The following PRMT2 variants were observed in gnomAD, a reference collection of about 807,000 sequenced individuals.
PRMT2 encodes protein arginine N-methyltransferase 2.
A neutral mutation model predicts 57.6 loss-of-function variants in PRMT2; 26 were observed. The observed-to-expected ratio is 0.45, with a 90% CI of 0.33 to 0.63. The LOEUF is 0.63. Among genes scored for constraint, PRMT2 ranks in the 20% least tolerant of loss-of-function variants. PRMT2 has a pLI of 0.02. For synonymous variants in PRMT2, 219 were observed against 220.0 expected (o/e 1.00, Z 0.04); for missense variants, 472 against 564.4 (o/e 0.84, Z 1.66).
intron 5 of PRMT2, among the ~76,000 whole-genome samples, chr21:46,644,703 A>T (rs904839069): frequency 6.6e-6 from 1 of 152,192 alleles, no homozygotes; most frequent in African/African-American, 2.4e-5. Flanking sequence ...ATGGATCTTG[A>T]AATTTGAATT....
At chr21:46,640,007 C>CA (rs1397156008) in intron 3 of PRMT2, among the ~76,000 whole-genome samples, 2 of 152,152 alleles carry the variant, frequency 1.3e-5, no homozygotes, top group African/African-American at 4.8e-5. Context: ...TCCATATTAC[C>CA]TCCTTTAATA....
intron 7 of PRMT2, chr21:46,655,016 C>A: frequency 3.2e-6 from 2 of 619,442 alleles, no homozygotes; most frequent in Non-Finnish European, 2.0e-6. Context: ...GTTCATCTAA[C>A]ATGAAATAGA....
chr21:46,663,671 A>G (rs1399165567), intron 11 of PRMT2, 117 bp downstream of exon 11: 2 of 1,048,534 alleles, frequency 1.9e-6, no homozygotes, highest in Non-Finnish European at 2.8e-6. Context: ...CCTTTTGTGC[A>G]GGAGTGATTT....
chr21:46,656,239 G>A (rs192896989), intron 7 of PRMT2, among the ~76,000 whole-genome samples: 310 of 152,242 alleles, frequency 2.0e-3, no homozygotes, highest in African/African-American at 4.2e-3. Context: ...GCTTTCCACC[G>A]TGAGGGGAAA....
chr21:46,652,755 C>A, intron 7 of PRMT2: 1 of 1,151,352 alleles, frequency 8.7e-7, no homozygotes, highest in South Asian at 1.8e-5. Context: ...AGTAAAGATA[C>A]CACAGGTGTC....
At chr21:46,652,909 C>G (rs1601941561) in intron 7 of PRMT2, 1 of 1,302,794 alleles carries the variant, frequency 7.7e-7, no homozygotes, top group Non-Finnish European at 1.0e-6. Flanking sequence ...AGGTTGCACA[C>G]TCAGCAGTCT....
chr21:46,643,540 A>G lies in PRMT2; in HGVS notation c.45A>G (p.Glu15=). The change falls in exon 4 of 12, where the codon GAA becomes GAG. Residue 15 remains glutamate (E), a synonymous_variant. Coordinates refer to ENST00000355680, the MANE Select transcript of PRMT2 (RefSeq NM_206962.4). ...GDCPRSESQG[E]EPAECSEAGL... ...CTTTCCTTGGCTTTGAGCAGGGAGA[A>G]GAGCCTGCTGAGTGCAGTGAGGCCG... 1 of 1,582,178 alleles carries G rather than the reference A, an allele frequency of 6.3e-7. No homozygotes were observed. The highest frequency in any genetic ancestry group is 8.6e-7 in the Non-Finnish European group (1 of 1,167,010).
rs1059610 is a variant in PRMT2 at position 46,649,786 on chromosome 21, C to G, written c.654+47C>G. 9.4e-6 allele frequency: 15 copies of G among 1,589,588 alleles called. No homozygotes were observed. Among genetic ancestry groups the G allele is most frequent in the Admixed American group, 5.4e-5 (3 of 55,468 alleles). On this transcript the variant is annotated intron_variant, in intron 7 of 11. Coordinates refer to ENST00000355680, the MANE Select transcript of PRMT2 (RefSeq NM_206962.4). This position sits in a 1 kb window ranked among gnomAD's most constrained non-coding sequence, Gnocchi z 4.8. Reference sequence around the variant, plus strand: ...GCTGGGGGCCGGAGCTGGGGGGCTTCTGAGCACGGGCTCGGCTGGGCCAAC... The same window carrying G: ...GCTGGGGGCCGGAGCTGGGGGGCTTGTGAGCACGGGCTCGGCTGGGCCAAC...
At chr21:46,653,161 G>C in intron 7 of PRMT2, 1 of 985,394 alleles carries the variant, frequency 1.0e-6, no homozygotes, top group Non-Finnish European at 1.2e-6. Flanking sequence ...ACATTATGAC[G>C]AATTTTCTAA....
At chr21:46,659,015 GTTGGA>G in intron 8 of PRMT2, 95 bp downstream of exon 8, 14 of 1,487,298 alleles carry the variant, frequency 9.4e-6, no homozygotes, top group Non-Finnish European at 1.2e-5. Context: ...CCATACGACG[GTTGGA>G]TAAATGAGGG....
chr21:46,651,966 C>A, intron 7 of PRMT2: 1 of 1,613,288 alleles, frequency 6.2e-7, no homozygotes, highest in Non-Finnish European at 8.5e-7. Flanking sequence ...GCCCCTCAGC[C>A]CTCAGGCCTT....
intron 7 of PRMT2, chr21:46,654,004 C>G: frequency 5.0e-6 from 5 of 993,638 alleles, no homozygotes; most frequent in African/African-American, 1.8e-5. Context: ...CATAGTTAAT[C>G]AGCAGCTTGC....
chr21:46,645,658 A>G (rs950376714), intron 5 of PRMT2, among the ~76,000 whole-genome samples: 3 of 152,106 alleles, frequency 2.0e-5, no homozygotes, highest in African/African-American at 7.2e-5. Context: ...CAAAGAATCT[A>G]TAACGTTTGA....
chr21:46,662,204 G>A (rs1262234917), intron 10 of PRMT2, among the ~76,000 whole-genome samples: 2 of 152,188 alleles, frequency 1.3e-5, no homozygotes, highest in African/African-American at 4.8e-5. Context: ...AACGGGAGGA[G>A]CTCCCTGTCT....
chr21:46,660,764 C>A, intron 8 of PRMT2, 69 bp from the exon 9 acceptor site: 3 of 1,574,612 alleles, frequency 1.9e-6, no homozygotes, highest in Non-Finnish European at 2.6e-6. Context: ...ACCGCGGTCC[C>A]ACGTGTGTGT....
chr21:46,638,582 G>T (rs1178911086), intron 3 of PRMT2, among the ~76,000 whole-genome samples: 1 of 152,202 alleles, frequency 6.6e-6, no homozygotes, highest in Non-Finnish European at 1.5e-5. Flanking sequence ...TCACAGGTCT[G>T]TCAGTAGCCC....
chr21:46,662,293 T>A (rs1486798327), intron 10 of PRMT2, among the ~76,000 whole-genome samples: 2 of 151,968 alleles, frequency 1.3e-5, no homozygotes, highest in Non-Finnish European at 2.9e-5. Context: ...TCACCTGACG[T>A]TTTTGGAGGT....
intron 4 of PRMT2, 73 bp from the exon 5 acceptor site, chr21:46,644,233 G>T: frequency 6.9e-7 from 1 of 1,439,878 alleles, no homozygotes; most frequent in South Asian, 1.3e-5. Flanking sequence ...CCATTGATGG[G>T]ATTTATCACT....
chr21:46,661,272 T>G (rs975009419), intron 9 of PRMT2: 2 of 224,740 alleles, frequency 8.9e-6, no homozygotes, highest in East Asian at 2.0e-4. Flanking sequence ...TTCGTTTCAT[T>G]ATGGTATTTG....
Sources: gnomAD v4.1 joint callset for allele counts (sites outside exome capture counted in the v4.1 genomes callset) on GRCh38, gnomAD v4.1.1 for gene constraint, Gnocchi (gnomAD v3.1) non-coding constraint, MANE v1.5 for transcripts, NCBI Gene and HGNC (gene_info 2026-07-23, HGNC 2026-07-21) for gene names.